TSHZ3: variants seen among roughly 807,000 people sequenced by gnomAD.
TSHZ3 encodes teashirt zinc finger homeobox 3, also known as teashirt homolog 3.
In TSHZ3, 10 loss-of-function variants were observed where a neutral mutation model predicts 64.5. The ratio of observed to expected loss-of-function variants is 0.16; its 90% confidence interval spans 0.10 to 0.26. The LOEUF is 0.26. Ranked by LOEUF, TSHZ3 falls within the 10% of genes least tolerant of loss-of-function variation. The pLI is 1.00. For synonymous variants in TSHZ3, 608 were observed against 593.1 expected (o/e 1.03, Z -0.36); for missense variants, 1,242 against 1,421.7 (o/e 0.87, Z 2.03).
At chr19:31,210,532 C>T (rs895861448) in intron 4 of TSHZ3, among the ~76,000 whole-genome samples, 4 of 152,094 alleles carry the variant, frequency 2.6e-5, no homozygotes, top group African/African-American at 9.7e-5. Context: ...AGGAGCCCAG[C>T]CATGCCTGGA....
chr19:31,290,255 T>C (rs1377417188), intron 1 of TSHZ3, among the ~76,000 whole-genome samples: 1 of 152,102 alleles, frequency 6.6e-6, no homozygotes, highest in East Asian at 1.9e-4. Context: ...GGATTGCCAC[T>C]AACCAAACAC....
intron 1 of TSHZ3, among the ~76,000 whole-genome samples, chr19:31,254,242 G>A (rs1188036827): frequency 6.6e-6 from 1 of 152,196 alleles, no homozygotes; most frequent in Non-Finnish European, 1.5e-5. Context: ...ACAAAATGAA[G>A]AGCTTCAAGG....
intron 1 of TSHZ3, among the ~76,000 whole-genome samples, chr19:31,251,319 C>A (rs1975838686): frequency 1.3e-5 from 2 of 152,166 alleles, no homozygotes; most frequent in South Asian, 4.1e-4. Context: ...AAGTCCATTT[C>A]ACAGCAAAGG....
At chr19:31,213,676 T>C (rs962542764) in intron 4 of TSHZ3, among the ~76,000 whole-genome samples, 2 of 152,112 alleles carry the variant, frequency 1.3e-5, no homozygotes, top group African/African-American at 4.8e-5. Flanking sequence ...ACAGGAGGTA[T>C]ATGGGAAATC....
chr19:31,269,407 G>C (rs1297916309), intron 1 of TSHZ3, among the ~76,000 whole-genome samples: 2 of 151,834 alleles, frequency 1.3e-5, no homozygotes, highest in African/African-American at 4.8e-5. Context: ...TTTAAGCTAA[G>C]AAAATGACTC....
intron 1 of TSHZ3, among the ~76,000 whole-genome samples, chr19:31,250,647 G>C (rs1568359753): frequency 6.6e-6 from 1 of 152,180 alleles, no homozygotes; most frequent in East Asian, 1.9e-4. Context: ...TTTGGGGGAA[G>C]ACAGGCTATT....
At chr19:31,177,012 C>T (rs562709982) in intron 5 of TSHZ3, among the ~76,000 whole-genome samples, 5 of 152,262 alleles carry the variant, frequency 3.3e-5, no homozygotes, top group Non-Finnish European at 5.9e-5. Context: ...CAATGCCACT[C>T]GTAAGAATGT....
intron 1 of TSHZ3, among the ~76,000 whole-genome samples, chr19:31,267,268 AC>A (rs1452688866): frequency 7.2e-5 from 11 of 151,974 alleles, no homozygotes; most frequent in African/African-American, 2.7e-4. Context: ...ATGAGAGCTC[AC>A]CCTTGCCTGA....
At chr19:31,349,129 G>A in intron 1 of TSHZ3, 51 bp downstream of exon 1, 2 of 1,524,984 alleles carry the variant, frequency 1.3e-6, no homozygotes, top group East Asian at 2.6e-5. Flanking sequence ...GGCGCGGGGC[G>A]AGCGGAGGAA....
chr19:31,279,785 G>A lies in TSHZ3; in HGVS notation c.41-33C>T. On this transcript the variant is annotated intron_variant, in intron 1 of 1. Coordinates refer to ENST00000240587, the MANE Select transcript of TSHZ3 (RefSeq NM_020856.4). The surrounding 1 kb of genome is among the most constrained non-coding windows in gnomAD (Gnocchi z 6.4). ...GATAACAGGTGGGAAAGAGAGACAG[G>A]TAGGATGGAATGAAGAGAGACAGGG... 2 of 1,471,664 alleles carry A rather than the reference G, an allele frequency of 1.4e-6. No individual in the cohort carries two copies. Among genetic ancestry groups the A allele is most frequent in the Non-Finnish European group, 9.0e-7 (1 of 1,111,558 alleles). 91.2% of individuals were successfully genotyped at this position (1,471,664 alleles called of 1,614,324 possible). A position where few individuals can be genotyped will look rare whatever the true frequency, so the allele number is the denominator to read the frequency against.
chr19:31,150,741 T>C (rs1039457489), exon 7 of TSHZ3, among the ~76,000 whole-genome samples: 1 of 152,198 alleles, frequency 6.6e-6, no homozygotes, highest in Non-Finnish European at 1.5e-5. Context: ...TCCAGGTATC[T>C]TTTTTTGTAG....
chr19:31,304,422 GC>G (rs1281963166), intron 1 of TSHZ3, among the ~76,000 whole-genome samples: 1 of 152,110 alleles, frequency 6.6e-6, no homozygotes, highest in African/African-American at 2.4e-5. Context: ...CTTTCTGGGG[GC>G]CCTGCCTCTC....
At chr19:31,247,677 A>G (rs751310066) in intron 1 of TSHZ3, among the ~76,000 whole-genome samples, 32 of 152,212 alleles carry the variant, frequency 2.1e-4, no homozygotes, top group Non-Finnish European at 4.1e-4. Context: ...ATGACGGGTT[A>G]TCCTATCAAT....
intron 6 of TSHZ3, among the ~76,000 whole-genome samples, chr19:31,154,827 A>G (rs1274047793): frequency 6.7e-6 from 1 of 148,604 alleles, no homozygotes; most frequent in East Asian, 2.1e-4. Flanking sequence ...AGGCTGTTTT[A>G]GGCTTGAAGG....
intron 5 of TSHZ3, among the ~76,000 whole-genome samples, chr19:31,167,019 T>A (rs1294579856): frequency 6.6e-6 from 1 of 152,162 alleles, no homozygotes; most frequent in African/African-American, 2.4e-5. Flanking sequence ...ACGCAATCTT[T>A]GGGAAGTGGA....
At chr19:31,227,544 C>G (rs1975483969) in intron 4 of TSHZ3, among the ~76,000 whole-genome samples, 1 of 152,104 alleles carries the variant, frequency 6.6e-6, no homozygotes, top group Non-Finnish European at 1.5e-5. Context: ...ACAGTGAAAG[C>G]ACAGCTTACA....
chr19:31,157,931 A>T (rs1269266933), intron 5 of TSHZ3, among the ~76,000 whole-genome samples: 1 of 152,194 alleles, frequency 6.6e-6, no homozygotes, highest in Non-Finnish European at 1.5e-5. Context: ...GCCCTGCCTC[A>T]CCCTGTGGTC....
chr19:31,339,225 GA>G (rs1039916957), intron 1 of TSHZ3, among the ~76,000 whole-genome samples: 28 of 147,758 alleles, frequency 1.9e-4, no homozygotes, highest in East Asian at 3.9e-4. Flanking sequence ...GACTAATGGG[GA>G]AAAAAAAAGG....
chr19:31,338,106 G>C (rs570333850), intron 1 of TSHZ3, among the ~76,000 whole-genome samples: 7 of 106,050 alleles, frequency 6.6e-5, no homozygotes, highest in Admixed American at 3.7e-4. Context: ...AAGGCCTAGA[G>C]TTTCTGCTTT....
Sources: allele counts gnomAD v4.1 joint callset (sites outside exome capture counted in the v4.1 genomes callset), GRCh38; gene constraint gnomAD v4.1.1; non-coding constraint Gnocchi (gnomAD v3.1); transcripts MANE v1.5; gene names NCBI Gene and HGNC (gene_info 2026-07-23, HGNC 2026-07-21).